CPNE8: variants seen among roughly 807,000 people sequenced by gnomAD.
CPNE8 encodes copine 8, also known as copine-8.
Under a neutral mutation model 81.5 loss-of-function variants are expected in CPNE8, and 45 were observed. The observed-to-expected ratio is 0.55, with a 90% confidence interval of 0.44 to 0.71. The LOEUF is 0.71. Ranked by LOEUF, CPNE8 falls within the 30% of genes least tolerant of loss-of-function variation. The probability of loss-of-function intolerance (pLI) is 0.00; values close to 1 mark genes in which losing one functional copy is unlikely to be tolerated. For synonymous variants in CPNE8, 252 were observed against 226.3 expected (o/e 1.11, Z -1.02); for missense variants, 594 against 672.1 (o/e 0.88, Z 1.28).
intron 13 of CPNE8, among the ~76,000 whole-genome samples, chr12:38,705,343 G>A (rs980978995): frequency 3.3e-5 from 5 of 151,784 alleles, no homozygotes; most frequent in Non-Finnish European, 5.9e-5. Context: ...CCAAATATTC[G>A]GCCTGGAAAG....
chr12:38,797,340 C>G (rs1335023456), intron 6 of CPNE8, among the ~76,000 whole-genome samples: 1 of 152,142 alleles, frequency 6.6e-6, no homozygotes, highest in Non-Finnish European at 1.5e-5. Context: ...AGGTACTCCT[C>G]TGAGACAAAA....
intron 10 of CPNE8, among the ~76,000 whole-genome samples, chr12:38,742,203 C>T (rs538781315): frequency 2.2e-4 from 34 of 151,992 alleles, no homozygotes; most frequent in African/African-American, 6.5e-4. Flanking sequence ...TAAATCATGC[C>T]GCTATGAAGA....
intron 14 of CPNE8, among the ~76,000 whole-genome samples, chr12:38,696,095 C>T (rs1452400786): frequency 6.6e-6 from 1 of 152,154 alleles, no homozygotes; most frequent in Non-Finnish European, 1.5e-5. Context: ...TACCCCAGAA[C>T]ATTTAAACAT....
chr12:38,670,795 G>C lies in CPNE8; in HGVS notation c.1440C>G (p.Val480=). The C allele has an allele frequency of 6.2e-7, 1 of 1,604,872 alleles. No individual in the cohort carries two copies. Residue 480 remains valine, a synonymous_variant, in exon 19 of 20, where the codon GTC becomes GTG. Transcript: ENST00000331366. ...GVGPAEFDAM[V]ELDGDDVRVS... ...CTCTTACATCATCTCCATCCAATTC[G>C]ACCATTGCTTTAAGAGAAAATATGA...
chr12:38,684,942 T>C (rs1257750124), intron 16 of CPNE8, among the ~76,000 whole-genome samples: 3 of 152,216 alleles, frequency 2.0e-5, no homozygotes, highest in South Asian at 4.1e-4. Flanking sequence ...TCAGAACATG[T>C]ACTTGGAGTA....
intron 19 of CPNE8, among the ~76,000 whole-genome samples, chr12:38,654,514 C>CAAAAAAAAA (rs71068569): frequency 4.1e-5 from 4 of 97,606 alleles, no homozygotes; most frequent in African/African-American, 1.3e-4. Context: ...GACTCTGTCT[C>CAAAAAAAAA]AAAAAAAAAA....
intron 6 of CPNE8, among the ~76,000 whole-genome samples, chr12:38,796,623 A>G (rs1015829856): frequency 6.6e-6 from 1 of 152,148 alleles, no homozygotes; most frequent in Non-Finnish European, 1.5e-5. Flanking sequence ...AGTGACGCAG[A>G]AGACGGGGGA....
intron 6 of CPNE8, among the ~76,000 whole-genome samples, chr12:38,796,241 C>A (rs1279511763): frequency 6.6e-6 from 1 of 151,912 alleles, no homozygotes; most frequent in African/African-American, 2.4e-5. Flanking sequence ...GAGCCAAGAT[C>A]GTGCTACTGC....
intron 13 of CPNE8, among the ~76,000 whole-genome samples, chr12:38,711,211 C>A (rs1192951200): frequency 6.6e-6 from 1 of 152,168 alleles, no homozygotes; most frequent in Non-Finnish European, 1.5e-5. Flanking sequence ...TCACTCAGTT[C>A]TTTCAGTTTT....
chr12:38,654,990 G>A (rs1938786524), intron 19 of CPNE8, among the ~76,000 whole-genome samples: 1 of 152,116 alleles, frequency 6.6e-6, no homozygotes, highest in Non-Finnish European at 1.5e-5. Context: ...AGTACATTGA[G>A]TTTTGCATCA....
intron 5 of CPNE8, among the ~76,000 whole-genome samples, chr12:38,838,191 A>G (rs1199945434): frequency 6.6e-6 from 1 of 152,190 alleles, no homozygotes; most frequent in Non-Finnish European, 1.5e-5. Context: ...AGAAACACAG[A>G]AACTATATTC....
chr12:38,728,669 G>C (rs776718588), intron 11 of CPNE8, among the ~76,000 whole-genome samples: 15 of 152,124 alleles, frequency 9.9e-5, no homozygotes, highest in Non-Finnish European at 2.9e-5. Context: ...ACCAAAAAGA[G>C]AGAGGAGAAA....
At chr12:38,658,974 T>C (rs1413276656) in intron 19 of CPNE8, among the ~76,000 whole-genome samples, 1 of 152,132 alleles carries the variant, frequency 6.6e-6, no homozygotes, top group Non-Finnish European at 1.5e-5. Flanking sequence ...ATCAATGCTA[T>C]GAAGAAACTG....
At chr12:38,857,645 G>T (rs1943763971) in intron 3 of CPNE8, among the ~76,000 whole-genome samples, 1 of 152,178 alleles carries the variant, frequency 6.6e-6, no homozygotes, top group Non-Finnish European at 1.5e-5. Flanking sequence ...AGAGGTAGTG[G>T]CTCACGCCTG....
At chr12:38,733,595 C>T (rs1183095140) in intron 10 of CPNE8, among the ~76,000 whole-genome samples, 1 of 151,890 alleles carries the variant, frequency 6.6e-6, no homozygotes, top group African/African-American at 2.4e-5. Context: ...AAGTTCCAAG[C>T]TCTCTGACTG....
rs937758593 is a variant in CPNE8, at chr12:38,654,000, T to A, written c.1577A>T (p.Asp526Val). 1.9e-6 allele frequency: 3 copies of A among 1,613,778 alleles called. No homozygotes were observed. The highest frequency in any genetic ancestry group is 2.5e-6 in the Non-Finnish European group (3 of 1,179,942). The change falls in exon 20 of 20, where the codon GAT becomes GTT. Residue 526 changes from aspartate (D) to valine (V), a missense_variant. Coordinates refer to ENST00000331366, the MANE Select transcript of CPNE8 (RefSeq NM_153634.3). The stretch of plus-strand genomic sequence containing the variant: ...CTGCTCAGGGATCTCAGCTAGGACA[T>A]CTTTAGCCAATCTAGCCATGCTCAG... Reference protein sequence around the residue: ...HILSMARLAKDVLAEIPEQFL... With the variant: ...HILSMARLAKVVLAEIPEQFL...
intron 13 of CPNE8, among the ~76,000 whole-genome samples, chr12:38,715,501 C>A (rs1388462196): frequency 6.6e-6 from 1 of 151,962 alleles, no homozygotes; most frequent in African/African-American, 2.4e-5. Flanking sequence ...ATACGCAATT[C>A]AATAAATGTG....
chr12:38,739,484 A>C (rs1941038464), intron 10 of CPNE8, among the ~76,000 whole-genome samples: 2 of 152,092 alleles, frequency 1.3e-5, no homozygotes, highest in Non-Finnish European at 2.9e-5. Context: ...ATAGTAGGTA[A>C]CTTGTTCCTA....
intron 10 of CPNE8, among the ~76,000 whole-genome samples, chr12:38,736,454 G>C (rs936047118): frequency 1.3e-5 from 2 of 151,592 alleles, no homozygotes; most frequent in Admixed American, 6.6e-5. Context: ...TTAAGGATAT[G>C]TTATATATAA....
Sources: allele counts gnomAD v4.1 joint callset (sites outside exome capture counted in the v4.1 genomes callset), GRCh38; gene constraint gnomAD v4.1.1; transcripts MANE v1.5; gene names NCBI Gene and HGNC (gene_info 2026-07-23, HGNC 2026-07-21).